Variants in SHISAL2A observed in about 807,000 individuals in gnomAD.
The protein encoded by SHISAL2A is protein shisa-like-2A.
SHISAL2A carries 18 observed loss-of-function variants against 11.5 expected under a neutral mutation model. That is an observed-to-expected ratio of 1.57 (90% CI 1.08 to 2.33). The LOEUF (loss-of-function observed/expected upper bound fraction) is 2.33. SHISAL2A is among the 30% of genes most tolerant of loss of function. The pLI is 0.00. For missense variants in SHISAL2A, 261 were observed against 250.9 expected (o/e 1.04, Z -0.27); for synonymous variants, 94 against 99.6 (o/e 0.94, Z 0.34).
At chr1:52,638,742 C>G (rs1057141405) in intron 1 of SHISAL2A, among the ~76,000 whole-genome samples, 1 of 152,216 alleles carries the variant, frequency 6.6e-6, no homozygotes, top group African/African-American at 2.4e-5. Context: ...GTTATCCCAC[C>G]TGACGGCCAG....
chr1:52,639,814 G>A (rs1259463783), intron 1 of SHISAL2A, among the ~76,000 whole-genome samples: 2 of 151,774 alleles, frequency 1.3e-5, no homozygotes, highest in African/African-American at 4.8e-5. Context: ...TTTGAGACAG[G>A]GTCTTGCTCT....
chr1:52,658,020 C>T (rs1212647961), downstream of SHISAL2A, among the ~76,000 whole-genome samples: 4 of 149,538 alleles, frequency 2.7e-5, no homozygotes, highest in Admixed American at 2.7e-4. Context: ...GAACTCACTT[C>T]GTAAACATTA....
At chr1:52,667,240 C>T (rs1185626427) in intron 4 of SHISAL2A, among the ~76,000 whole-genome samples, 2 of 152,180 alleles carry the variant, frequency 1.3e-5, no homozygotes, top group Non-Finnish European at 2.9e-5. Flanking sequence ...TATGGGTACA[C>T]GAACACCTAC....
At chr1:52,660,919 C>T (rs972764447), downstream of SHISAL2A, among the ~76,000 whole-genome samples, 4 of 152,162 alleles carry the variant, frequency 2.6e-5, no homozygotes, top group African/African-American at 7.2e-5. Flanking sequence ...TTTGGGAAGG[C>T]CTCCTGGAGT....
At chr1:52,641,144 C>T (rs1298854077) in intron 1 of SHISAL2A, among the ~76,000 whole-genome samples, 1 of 152,214 alleles carries the variant, frequency 6.6e-6, no homozygotes, top group African/African-American at 2.4e-5. Flanking sequence ...GGCCATTCAA[C>T]TGTATCCTTT....
Position 52,633,663 on chromosome 1 carries a change from T to C in SHISAL2A, c.170T>C (p.Met57Thr), listed in dbSNP as rs1469328817. 1.2e-6 allele frequency: 2 copies of C among 1,611,578 alleles called. No homozygotes were observed. Among genetic ancestry groups the C allele is most frequent in the East Asian group, 2.2e-5 (1 of 44,566 alleles). ...TTCTTCCCCTACGAGCACAGCTACA[T>C]GTGGTGGCTCAGGTACCGTCCCTGG... ...HSFFPYEHSY[M>T]WWLSIGALIG... Residue 57 changes from methionine to threonine, a missense_variant, in exon 1 of 3, where the codon ATG becomes ACG. Coordinates refer to ENST00000517870, the MANE Select transcript of SHISAL2A (RefSeq NM_001042693.3). The surrounding 1 kb of genome is among the most constrained non-coding windows in gnomAD (Gnocchi z 6.4).
At chr1:52,636,774 T>A (rs1691244305) in intron 1 of SHISAL2A, among the ~76,000 whole-genome samples, 1 of 152,206 alleles carries the variant, frequency 6.6e-6, no homozygotes, top group Admixed American at 6.5e-5. Flanking sequence ...AGTGTCCCAG[T>A]GAGAGGCAGT....
chr1:52,643,910 A>G (rs1048084716), intron 2 of SHISAL2A, among the ~76,000 whole-genome samples: 4 of 151,630 alleles, frequency 2.6e-5, no homozygotes, highest in African/African-American at 9.7e-5. Context: ...GAGGGAGGGA[A>G]GGAGGGAGTA....
chr1:52,636,197 G>A (rs1193336892), intron 1 of SHISAL2A, among the ~76,000 whole-genome samples: 93 of 76,334 alleles, frequency 1.2e-3, no homozygotes, highest in Middle Eastern at 6.0e-3. Context: ...CTTTAAAATG[G>A]TGATAGAGAT....
intron 4 of SHISAL2A, among the ~76,000 whole-genome samples, chr1:52,665,749 C>G (rs1394539325): frequency 3.9e-5 from 6 of 152,108 alleles, no homozygotes; most frequent in African/African-American, 1.4e-4. Context: ...CCCCCCACTT[C>G]CCTGTACCCC....
At chr1:52,660,842 C>G (rs1691894075), downstream of SHISAL2A, among the ~76,000 whole-genome samples, 1 of 152,142 alleles carries the variant, frequency 6.6e-6, no homozygotes, top group Non-Finnish European at 1.5e-5. Flanking sequence ...AATGAGGTCC[C>G]GATCCCTATC....
At chr1:52,649,230 C>A (rs943684052) in intron 2 of SHISAL2A, among the ~76,000 whole-genome samples, 1 of 152,188 alleles carries the variant, frequency 6.6e-6, no homozygotes, top group African/African-American at 2.4e-5. Context: ...GATAGACTTT[C>A]ATTTCTGTTT....
At chr1:52,655,976 G>A (rs1691783115) in intron 2 of SHISAL2A, among the ~76,000 whole-genome samples, 1 of 152,198 alleles carries the variant, frequency 6.6e-6, no homozygotes, top group Non-Finnish European at 1.5e-5. Flanking sequence ...TGACTATTAG[G>A]TGGAACCAGC....
chr1:52,635,518 A>T (rs561954421), intron 1 of SHISAL2A, among the ~76,000 whole-genome samples: 26 of 152,156 alleles, frequency 1.7e-4, no homozygotes, highest in Non-Finnish European at 3.2e-4. Flanking sequence ...AGGGGAGCTC[A>T]CAAGACCAGT....
chr1:52,664,283 C>T (rs1439493872), intron 4 of SHISAL2A, among the ~76,000 whole-genome samples: 8 of 151,532 alleles, frequency 5.3e-5, no homozygotes, highest in South Asian at 2.1e-4. Flanking sequence ...CTCTGCCTCT[C>T]GGGTTCACGC....
chr1:52,650,738 G>A (rs751177270), intron 2 of SHISAL2A, among the ~76,000 whole-genome samples: 46 of 139,024 alleles, frequency 3.3e-4, no homozygotes, highest in Admixed American at 1.3e-3. Context: ...TTCGCCTCCC[G>A]GGTTCAAGCA....
downstream of SHISAL2A, among the ~76,000 whole-genome samples, chr1:52,661,056 A>G (rs1691898369): frequency 6.6e-6 from 1 of 152,224 alleles, no homozygotes; most frequent in South Asian, 2.1e-4. Flanking sequence ...AAGAGAGACC[A>G]TATGGTTCTT....
intron 2 of SHISAL2A, among the ~76,000 whole-genome samples, chr1:52,655,390 G>A (rs1399662908): frequency 1.4e-5 from 2 of 147,260 alleles, no homozygotes; most frequent in Non-Finnish European, 3.0e-5. Flanking sequence ...GCCAAGGCAG[G>A]AGGATAACTT....
At chr1:52,643,971 T>C (rs1473767249) in intron 2 of SHISAL2A, among the ~76,000 whole-genome samples, 4 of 152,084 alleles carry the variant, frequency 2.6e-5, no homozygotes, top group East Asian at 3.9e-4. Flanking sequence ...AGGAAGTCTC[T>C]ATTGGCAAAA....
Sources: allele counts gnomAD v4.1 joint callset (sites outside exome capture counted in the v4.1 genomes callset), GRCh38; gene constraint gnomAD v4.1.1; non-coding constraint Gnocchi (gnomAD v3.1); transcripts MANE v1.5; gene names NCBI Gene and HGNC (gene_info 2026-07-23, HGNC 2026-07-21).